OSBPL5: variants seen among roughly 807,000 people sequenced by gnomAD.
OSBPL5 encodes oxysterol binding protein like 5, also known as oxysterol-binding protein-related protein 5.
Under a neutral mutation model 111.2 loss-of-function variants are expected in OSBPL5, and 71 were observed. The observed-to-expected ratio is 0.64, with a 90% CI of 0.53 to 0.78. The LOEUF is 0.78. Ranked by LOEUF, OSBPL5 falls within the 30% of genes least tolerant of loss-of-function variation. OSBPL5 has a pLI of 0.00. For missense variants in OSBPL5, 1,210 were observed against 1,189.3 expected (o/e 1.02, Z -0.26); for synonymous variants, 549 against 513.9 (o/e 1.07, Z -0.93).
rs1846102827 is a variant in OSBPL5, at chr11:3,141,216, T to C, written c.-21-12047A>G. ...CAGACAGTATCGTCATCATGTGTGA[T>C]GCAGGGAGGGCACAGGAGATGCCAC... On this transcript the variant is annotated intron_variant, in intron 1 of 21. Transcript: ENST00000263650. This position sits in a 1 kb window ranked among gnomAD's most constrained non-coding sequence, Gnocchi z 6.5. Among the ~76,000 whole-genome samples the C allele has an allele frequency of 6.6e-6, 1 of 152,188 alleles. No homozygotes were observed. Among genetic ancestry groups the C allele is most frequent in the Non-Finnish European group, 1.5e-5 (1 of 68,022 alleles).
intron 1 of OSBPL5, among the ~76,000 whole-genome samples, chr11:3,158,671 A>G (rs1846858408): frequency 6.6e-6 from 1 of 152,266 alleles, no homozygotes; most frequent in Non-Finnish European, 1.5e-5. Flanking sequence ...TGGGCTGCAC[A>G]CAGTGGTGCA....
Position 3,122,451 on chromosome 11 carries a change from C to T in OSBPL5, c.220-23G>A, listed in dbSNP as rs373077041. The T allele has an allele frequency of 1.7e-4, 269 of 1,609,288 alleles. 1 individual carries two copies. The African/African-American group carries it at 3.0e-3, about 18-fold the overall frequency. Reference sequence around the variant, plus strand: ...TGCCTGAAAGAGAGAGGTGGGTATGCGGGACAGGGCACAGGGGCCGGCCCA... The same window carrying T: ...TGCCTGAAAGAGAGAGGTGGGTATGTGGGACAGGGCACAGGGGCCGGCCCA... On this transcript the variant is annotated intron_variant, in intron 3 of 21. Coordinates refer to ENST00000263650, the MANE Select transcript of OSBPL5 (RefSeq NM_020896.4).
intron 19 of OSBPL5, 98 bp from the exon 20 acceptor site, chr11:3,090,794 G>C (rs897210074): frequency 6.9e-7 from 1 of 1,442,060 alleles, no homozygotes; most frequent in Non-Finnish European, 9.2e-7. Flanking sequence ...CAGTGCTAGA[G>C]GTGGCAGCCA....
rs752121076 is a variant in OSBPL5 at position 3,101,586 on chromosome 11, C to G, written c.1522+17G>C. The stretch of plus-strand genomic sequence containing the variant: ...TTTCCCTGAGGCCCCAGGGAGCGCC[C>G]AGGGTGACCCCCTCACCATAAAACC... On this transcript the variant is annotated intron_variant, in intron 13 of 21. Coordinates refer to ENST00000263650, the MANE Select transcript of OSBPL5 (RefSeq NM_020896.4). 1.2e-6 allele frequency: 2 copies of G among 1,607,002 alleles called. No individual in the cohort carries two copies. Among genetic ancestry groups the G allele is most frequent in the South Asian group, 2.2e-5 (2 of 90,910 alleles).
At chr11:3,091,965 G>T (rs1235922973) in intron 19 of OSBPL5, among the ~76,000 whole-genome samples, 1 of 152,118 alleles carries the variant, frequency 6.6e-6, no homozygotes, top group Non-Finnish European at 1.5e-5. Flanking sequence ...CCTGGTGGCC[G>T]CCTAAGGCAT....
Position 3,130,007 on chromosome 11 carries a change from A to C in OSBPL5, c.-21-838T>G, listed in dbSNP as rs371068237. Among the ~76,000 whole-genome samples, 3 of 152,360 alleles carry C rather than the reference A, an allele frequency of 2.0e-5. No individual in the cohort carries two copies. The highest frequency in any genetic ancestry group is 6.5e-5 in the Admixed American group (1 of 15,312). ...TTCCTCCCCTGGAAGGAGAGAGGAC[A>C]ACAGGCGGTCCCCTCTGTCCTGCTC... On this transcript the variant is annotated intron_variant, in intron 1 of 21. Transcript: ENST00000263650. This position sits in a 1 kb window ranked among gnomAD's most constrained non-coding sequence, Gnocchi z 4.5.
At chr11:3,138,258 A>C (rs1206429996) in intron 1 of OSBPL5, among the ~76,000 whole-genome samples, 1 of 152,188 alleles carries the variant, frequency 6.6e-6, no homozygotes, top group Non-Finnish European at 1.5e-5. Flanking sequence ...ACCAGCCCTA[A>C]GAAGCCCTGG....
intron 7 of OSBPL5, among the ~76,000 whole-genome samples, chr11:3,118,596 G>C (rs1485747403): frequency 7.1e-6 from 1 of 141,472 alleles, no homozygotes; most frequent in Admixed American, 7.2e-5. Context: ...TTTTGAGATG[G>C]AGTCTCCCTC....
chr11:3,160,864 C>T (rs1004936083), intron 1 of OSBPL5: 9 of 152,192 alleles, frequency 5.9e-5, no homozygotes, highest in African/African-American at 1.9e-4. Flanking sequence ...TCTGTGCTGT[C>T]CCCCAGCGTC....
intron 1 of OSBPL5, among the ~76,000 whole-genome samples, chr11:3,156,551 C>CGGGCTCTGGG (rs1846764239): frequency 6.6e-6 from 1 of 152,046 alleles, no homozygotes; most frequent in Non-Finnish European, 1.5e-5. Context: ...GGGAAAGAAT[C>CGGGCTCTGGG]GAGCTCTGGG....
chr11:3,106,097 A>T lies in OSBPL5; in HGVS notation c.1059+1166T>A, dbSNP rs923579465. Among the ~76,000 whole-genome samples, 4 of 151,612 alleles carry T rather than the reference A, an allele frequency of 2.6e-5. No homozygotes were observed. The highest frequency in any genetic ancestry group is 1.3e-4 in the Admixed American group (2 of 15,216). On this transcript the variant is annotated intron_variant, in intron 9 of 21. Coordinates refer to ENST00000263650, the MANE Select transcript of OSBPL5 (RefSeq NM_020896.4). This position sits in a 1 kb window ranked among gnomAD's most constrained non-coding sequence, Gnocchi z 8.4. Reference sequence around the variant, plus strand: ...CCCTCGGTCCACTCCCCATAGGCCCATCCTAACCTTCCCATCCCCGCACAG... The same window carrying T: ...CCCTCGGTCCACTCCCCATAGGCCCTTCCTAACCTTCCCATCCCCGCACAG...
chr11:3,100,748 C>T (rs538954153), intron 13 of OSBPL5, among the ~76,000 whole-genome samples: 9 of 152,240 alleles, frequency 5.9e-5, no homozygotes, highest in East Asian at 3.9e-4. Flanking sequence ...AGGCAACAGG[C>T]GCACACCTGC....
chr11:3,092,480 G>A lies in OSBPL5; in HGVS notation c.2211C>T (p.Ala737=), dbSNP rs371170315. The stretch of plus-strand genomic sequence containing the variant: ...CCAGGAAGGTGGTCTGGCGGGCCAC[G>A]GCCTCCTGCTGCAAGGTCCGCAGGA... The part of the protein sequence containing the change: ...DGILRTLQQE[A]VARQTTFLGS... The change falls in exon 19 of 22, where the codon GCC becomes GCT. Residue 737 remains alanine, a synonymous_variant. Transcript: ENST00000263650. This position sits in a 1 kb window ranked among gnomAD's most constrained non-coding sequence, Gnocchi z 5.4. The A allele has an allele frequency of 4.1e-5, 65 of 1,574,924 alleles. No homozygotes were observed. Among genetic ancestry groups the A allele is most frequent in the East Asian group, 3.1e-4 (13 of 42,620 alleles).
At chr11:3,103,756 G>GCCTCTGCAGCCCCATTCCTGC in intron 10 of OSBPL5, among the ~76,000 whole-genome samples, 1 of 56,856 alleles carries the variant, frequency 1.8e-5, no homozygotes, top group East Asian at 9.8e-4. Flanking sequence ...CCCTCTTCCA[G>GCCTCTGCAGCCCCATTCCTGC]CTCTGCAGCC....
chr11:3,119,535 G>T lies in OSBPL5; in HGVS notation c.691+12C>A, dbSNP rs775160603. On this transcript the variant is annotated intron_variant, in intron 7 of 21. Coordinates refer to ENST00000263650, the MANE Select transcript of OSBPL5 (RefSeq NM_020896.4). ...GGGCACTGGGGAGATGCGCAAGCTG[G>T]CAGGGACTCACCATCTGACTCGGAG... 5.7e-6 allele frequency: 9 copies of T among 1,569,470 alleles called. No homozygotes were observed. The South Asian group carries it at 1.1e-4, about 18-fold the overall frequency.
At position 3,141,348 on chromosome 11, in the gene OSBPL5, A is replaced by G. The variant is rs1846107851; in HGVS notation, c.-21-12179T>C. On this transcript the variant is annotated intron_variant, in intron 1 of 21. Transcript: ENST00000263650. The surrounding 1 kb of genome is among the most constrained non-coding windows in gnomAD (Gnocchi z 6.5). ...CAGCATCCTCCCTGTGACTCTGCATAGTGGGAAGGACGTGGATTCTAGAAA... is the reference window on the plus strand; with the variant it reads ...CAGCATCCTCCCTGTGACTCTGCATGGTGGGAAGGACGTGGATTCTAGAAA... Among the ~76,000 whole-genome samples the G allele has an allele frequency of 6.6e-6, 1 of 152,108 alleles. No homozygotes were observed. The highest frequency in any genetic ancestry group is 2.1e-4 in the South Asian group (1 of 4,820).
chr11:3,107,447 C>CTGGAAGGTGGAT lies in OSBPL5; in HGVS notation c.874_875insATCCACCTTCCA (p.Gly292delinsAspProProSerArg), dbSNP rs1857743491. 1 of 1,613,888 alleles carries CTGGAAGGTGGAT rather than the reference C, an allele frequency of 6.2e-7. No homozygotes were observed. Among genetic ancestry groups the CTGGAAGGTGGAT allele is most frequent in the African/African-American group, 1.3e-5 (1 of 74,918 alleles). On this transcript the variant is annotated protein_altering_variant, in exon 9 of 22. Coordinates refer to ENST00000263650, the MANE Select transcript of OSBPL5 (RefSeq NM_020896.4). This position sits in a 1 kb window ranked among gnomAD's most constrained non-coding sequence, Gnocchi z 6.1. Reference sequence around the variant, plus strand: ...GAATGCATCGTTCTCCAGGGAAGACCCGTTCAGTCTGGAAGGTGGATGGTG... The same window carrying CTGGAAGGTGGAT: ...GAATGCATCGTTCTCCAGGGAAGACCTGGAAGGTGGATCGTTCAGTCTGGAAGGTGGATGGTG...
chr11:3,148,701 A>G (rs1246396301), intron 1 of OSBPL5, among the ~76,000 whole-genome samples: 1 of 152,196 alleles, frequency 6.6e-6, no homozygotes, highest in African/African-American at 2.4e-5. Context: ...CACTACCCAG[A>G]TGGAGTTTTA....
rs1369879496 is a variant in OSBPL5 at position 3,089,841 on chromosome 11, C to A, written c.2501+5G>T. On this transcript the variant is annotated splice_donor_5th_base_variant and intron_variant, in intron 21 of 21. Transcript: ENST00000263650. ...GTCTGGATGGACACCCTGAGTGTGG[C>A]CCACCTGTGCAGCTCCTGCTGGGCC... 3 of 1,555,996 alleles carry A rather than the reference C, an allele frequency of 1.9e-6. No homozygotes were observed. The highest frequency in any genetic ancestry group is 1.7e-4 in the Middle Eastern group (1 of 5,756).
Sources: gnomAD v4.1 joint callset for allele counts (sites outside exome capture counted in the v4.1 genomes callset) on GRCh38, gnomAD v4.1.1 for gene constraint, Gnocchi (gnomAD v3.1) non-coding constraint, MANE v1.5 for transcripts, NCBI Gene and HGNC (gene_info 2026-07-23, HGNC 2026-07-21) for gene names.